THSD7B: variants seen among roughly 807,000 people sequenced by gnomAD.
THSD7B encodes thrombospondin type 1 domain containing 7B, also known as thrombospondin type-1 domain-containing protein 7B.
A neutral mutation model predicts 213.6 loss-of-function variants in THSD7B; 138 were observed. The ratio of observed to expected loss-of-function variants is 0.65; its 90% CI spans 0.56 to 0.74. The LOEUF is 0.74. Among genes scored for constraint, THSD7B ranks in the 30% least tolerant of loss-of-function variants. The pLI is 0.00. For synonymous variants in THSD7B, 742 were observed against 687.0 expected (o/e 1.08, Z -1.25); for missense variants, 1,931 against 1,991.5 (o/e 0.97, Z 0.58).
At chr2:137,607,821 T>C (rs1294163532) in intron 17 of THSD7B, among the ~76,000 whole-genome samples, 3 of 152,328 alleles carry the variant, frequency 2.0e-5, no homozygotes, top group African/African-American at 4.8e-5. Context: ...GGATTGTAAA[T>C]ATGCAACTTC....
chr2:136,943,744 T>G (rs1169454547), intron 2 of THSD7B, among the ~76,000 whole-genome samples: 3 of 152,202 alleles, frequency 2.0e-5, no homozygotes, highest in African/African-American at 7.2e-5. Flanking sequence ...TTATCATTTT[T>G]TATTGCCTCT....
chr2:136,945,496 C>T (rs2105065386), intron 2 of THSD7B, among the ~76,000 whole-genome samples: 1 of 152,210 alleles, frequency 6.6e-6, no homozygotes, highest in South Asian at 2.1e-4. Context: ...CTCTGTATTT[C>T]CTGAGTTTGA....
At chr2:136,962,007 A>C (rs1685227744) in intron 2 of THSD7B, among the ~76,000 whole-genome samples, 1 of 152,194 alleles carries the variant, frequency 6.6e-6, no homozygotes, top group Non-Finnish European at 1.5e-5. Flanking sequence ...GCTGACCCTG[A>C]GATGGGGAGA....
chr2:137,047,009 A>G (rs1686983289), intron 2 of THSD7B, among the ~76,000 whole-genome samples: 1 of 152,210 alleles, frequency 6.6e-6, no homozygotes, highest in Non-Finnish European at 1.5e-5. Context: ...TACAGATGAC[A>G]TGCTGCACCC....
At chr2:137,029,436 T>C (rs1683590880) in intron 2 of THSD7B, among the ~76,000 whole-genome samples, 2 of 152,140 alleles carry the variant, frequency 1.3e-5, no homozygotes, top group African/African-American at 4.8e-5. Flanking sequence ...CTTTACCCTA[T>C]TGTTTTATAT....
chr2:137,446,681 C>G (rs140540807), intron 14 of THSD7B, among the ~76,000 whole-genome samples: 2 of 152,042 alleles, frequency 1.3e-5, no homozygotes, highest in Admixed American at 6.5e-5. Flanking sequence ...TATCCCTAGG[C>G]CAAGTAATAA....
chr2:137,331,676 G>T (rs1684509969), intron 12 of THSD7B, among the ~76,000 whole-genome samples: 1 of 152,188 alleles, frequency 6.6e-6, no homozygotes, highest in African/African-American at 2.4e-5. Context: ...TCATCGGGGA[G>T]GCTCTGGCCA....
intron 2 of THSD7B, among the ~76,000 whole-genome samples, chr2:136,895,188 A>G (rs1683934156): frequency 6.6e-6 from 1 of 152,178 alleles, no homozygotes; most frequent in East Asian, 1.9e-4. Context: ...TTTCTCTTAT[A>G]TAGGCCTTAC....
chr2:136,932,365 A>C (rs942525441), intron 2 of THSD7B, among the ~76,000 whole-genome samples: 1 of 152,214 alleles, frequency 6.6e-6, no homozygotes, highest in Non-Finnish European at 1.5e-5. Context: ...CATGGCAGGA[A>C]GATATGGAAA....
intron 1 of THSD7B, among the ~76,000 whole-genome samples, chr2:136,849,782 T>C (rs1041331984): frequency 1.4e-4 from 21 of 152,152 alleles, no homozygotes; most frequent in African/African-American, 5.1e-4. Context: ...ATTGTTTAGA[T>C]ATTTTTGTTA....
At chr2:136,842,925 T>C (rs1207774094) in intron 1 of THSD7B, among the ~76,000 whole-genome samples, 1 of 152,218 alleles carries the variant, frequency 6.6e-6, no homozygotes, top group African/African-American at 2.4e-5. Context: ...CAGTCTTTCA[T>C]GTACTTTAAT....
At chr2:137,428,619 A>G (rs1687109562) in intron 14 of THSD7B, among the ~76,000 whole-genome samples, 1 of 152,198 alleles carries the variant, frequency 6.6e-6, no homozygotes, top group Non-Finnish European at 1.5e-5. Context: ...TAAAAGAATG[A>G]TGTACTAATA....
intron 14 of THSD7B, among the ~76,000 whole-genome samples, chr2:137,448,752 T>C (rs1396401134): frequency 2.6e-5 from 4 of 151,800 alleles, no homozygotes; most frequent in Admixed American, 2.6e-4. Flanking sequence ...TGAGCCGAGA[T>C]TGCGCCACTG....
At chr2:137,037,796 T>A (rs1020386037) in intron 2 of THSD7B, among the ~76,000 whole-genome samples, 3 of 152,196 alleles carry the variant, frequency 2.0e-5, no homozygotes, top group African/African-American at 7.2e-5. Context: ...ATTAGCTGGA[T>A]GTCCTATATA....
At chr2:136,925,545 C>A (rs1684509028) in intron 2 of THSD7B, among the ~76,000 whole-genome samples, 1 of 152,134 alleles carries the variant, frequency 6.6e-6, no homozygotes, top group Admixed American at 6.5e-5. Flanking sequence ...GTGTATAATT[C>A]TTTTAATGTG....
intron 12 of THSD7B, among the ~76,000 whole-genome samples, chr2:137,332,255 C>A (rs925188638): frequency 1.3e-5 from 2 of 152,192 alleles, no homozygotes; most frequent in Non-Finnish European, 2.9e-5. Context: ...CTCACCTCAG[C>A]ATGACTGGAT....
At chr2:136,965,732 T>C (rs985236891) in intron 2 of THSD7B, among the ~76,000 whole-genome samples, 1 of 152,182 alleles carries the variant, frequency 6.6e-6, no homozygotes, top group Admixed American at 6.5e-5. Context: ...ATTTTCTGAT[T>C]TTTATTTCTT....
At chr2:136,864,832 G>A (rs976872092) in intron 1 of THSD7B, among the ~76,000 whole-genome samples, 5 of 152,152 alleles carry the variant, frequency 3.3e-5, no homozygotes, top group Admixed American at 6.5e-5. Flanking sequence ...GATTACAGGC[G>A]TGAGCCACCG....
At chr2:136,831,129 C>CTTTT (rs776235166) in intron 1 of THSD7B, among the ~76,000 whole-genome samples, 55,943 of 119,496 alleles carry the variant, frequency 0.47, 14,539 homozygotes, top group East Asian at 0.67. Context: ...CCTGTAGAAT[C>CTTTT]TTTTTTTTTT....
Sources: allele counts gnomAD v4.1 joint callset (sites outside exome capture counted in the v4.1 genomes callset), GRCh38; gene constraint gnomAD v4.1.1; transcripts MANE v1.5; gene names NCBI Gene and HGNC (gene_info 2026-07-23, HGNC 2026-07-21).